BCAR3: variants seen among roughly 807,000 people sequenced by gnomAD.
BCAR3 encodes the protein breast cancer anti-estrogen resistance protein 3.
BCAR3 carries 37 observed loss-of-function variants against 80.1 expected under a neutral mutation model. The observed-to-expected ratio is 0.46, with a 90% CI of 0.36 to 0.61. The LOEUF (loss-of-function observed/expected upper bound fraction) is 0.61. Ranked by LOEUF, BCAR3 falls within the 20% of genes least tolerant of loss-of-function variation. The pLI, the probability that BCAR3 is intolerant of heterozygous loss-of-function variation, is 0.00. For synonymous variants in BCAR3, 389 were observed against 418.9 expected (o/e 0.93, Z 0.87); for missense variants, 978 against 1,068.2 (o/e 0.92, Z 1.18).
Position 93,655,273 on chromosome 1 carries a change from C to T in BCAR3, c.318-12930G>A, listed in dbSNP as rs141301539. Among the ~76,000 whole-genome samples, 6 of 152,292 alleles carry T rather than the reference C, an allele frequency of 3.9e-5. No individual in the cohort carries two copies. In the East Asian group the frequency reaches 1.2e-3, roughly 29 times the overall value. ...TTTGTGTTTTTGAAAAGTCCCCCTG[C>T]AGCAGCATGGAAATCAGATTAGCTG... On this transcript the variant is annotated intron_variant, in intron 2 of 11. Coordinates refer to ENST00000260502, the MANE Select transcript of BCAR3 (RefSeq NM_003567.4).
At chr1:93,633,360 T>A (rs1420471641) in intron 3 of BCAR3, among the ~76,000 whole-genome samples, 1 of 152,212 alleles carries the variant, frequency 6.6e-6, no homozygotes, top group African/African-American at 2.4e-5. Context: ...CCCTTCACCA[T>A]GTGGCCTAAC....
intron 2 of BCAR3, among the ~76,000 whole-genome samples, chr1:93,646,233 T>A (rs1676144333): frequency 6.6e-6 from 1 of 152,188 alleles, no homozygotes; most frequent in Admixed American, 6.5e-5. Flanking sequence ...TAAAATGTTT[T>A]CCTGTAATTC....
At chr1:93,724,635 C>G (rs1174617904) in intron 2 of BCAR3, among the ~76,000 whole-genome samples, 1 of 152,172 alleles carries the variant, frequency 6.6e-6, no homozygotes, top group Non-Finnish European at 1.5e-5. Context: ...CTCCTGCCAC[C>G]CAGCCTGGTG....
intron 2 of BCAR3, among the ~76,000 whole-genome samples, chr1:93,783,128 AG>A (rs1318909448): frequency 1.2e-4 from 18 of 152,210 alleles, no homozygotes; most frequent in African/African-American, 4.3e-4. Flanking sequence ...TAAACAATTT[AG>A]TATTATATAA....
chr1:93,768,852 T>A (rs768090472), intron 2 of BCAR3, among the ~76,000 whole-genome samples: 2 of 152,114 alleles, frequency 1.3e-5, no homozygotes, highest in Non-Finnish European at 2.9e-5. Context: ...ATAAAATCCC[T>A]CTTCTGGTCC....
intron 3 of BCAR3, among the ~76,000 whole-genome samples, chr1:93,618,817 C>A (rs1341089842): frequency 6.6e-6 from 1 of 152,072 alleles, no homozygotes; most frequent in Non-Finnish European, 1.5e-5. Flanking sequence ...CCTTCTAGAG[C>A]AAAAGACACA....
At chr1:93,745,010 G>T (rs762182535) in intron 2 of BCAR3, among the ~76,000 whole-genome samples, 1 of 152,204 alleles carries the variant, frequency 6.6e-6, no homozygotes, top group Non-Finnish European at 1.5e-5. Flanking sequence ...TAGAAATCAG[G>T]CAAGCACATG....
At chr1:93,626,657 C>T (rs1329594176) in intron 3 of BCAR3, among the ~76,000 whole-genome samples, 1 of 152,152 alleles carries the variant, frequency 6.6e-6, no homozygotes, top group African/African-American at 2.4e-5. Flanking sequence ...CTCTTGACTC[C>T]CATTGGCTCA....
chr1:93,824,054 T>C (rs902020258), intron 2 of BCAR3, among the ~76,000 whole-genome samples: 4 of 133,674 alleles, frequency 3.0e-5, no homozygotes, highest in African/African-American at 1.0e-4. Context: ...TAACCTAGAA[T>C]ATAAACTAGA....
At chr1:93,785,428 A>G (rs1383414939) in intron 2 of BCAR3, among the ~76,000 whole-genome samples, 1 of 152,214 alleles carries the variant, frequency 6.6e-6, no homozygotes, top group East Asian at 1.9e-4. Flanking sequence ...GATAGGAGGA[A>G]AGCTTGGCCT....
At position 93,674,641 on chromosome 1, in the gene BCAR3, T is replaced by C. The variant is rs1247526337; in HGVS notation, c.290A>G (p.Asp97Gly). Residue 97 changes from aspartate to glycine, a missense_variant, in exon 2 of 12, where the codon GAC (aspartate) becomes GGC (glycine). Coordinates refer to ENST00000260502, the MANE Select transcript of BCAR3 (RefSeq NM_003567.4). ...QDGIQESPWQ[D>G]RHGETFTFRD... ...GAAGGTGAAGGTTTCGCCGTGCCGG[T>C]CCTGCCATGGGCTCTCCTGGATGCC... The C allele has an allele frequency of 1.2e-6, 2 of 1,613,408 alleles. No individual in the cohort carries two copies. The highest frequency in any genetic ancestry group is 1.7e-5 in the Admixed American group (1 of 59,896).
chr1:93,636,603 C>T (rs1031134074), intron 3 of BCAR3, among the ~76,000 whole-genome samples: 6 of 151,510 alleles, frequency 4.0e-5, no homozygotes, highest in African/African-American at 1.5e-4. Flanking sequence ...TCTACTTCAC[C>T]ATATTTTCTA....
At chr1:93,625,886 C>T (rs1195571868) in intron 3 of BCAR3, among the ~76,000 whole-genome samples, 2 of 152,214 alleles carry the variant, frequency 1.3e-5, no homozygotes, top group African/African-American at 4.8e-5. Context: ...AGAATGCGCA[C>T]TTCCAGCCTG....
rs185444604 is a variant in BCAR3 at position 93,778,947 on chromosome 1, C to T, written c.-63+66620G>A. Among the ~76,000 whole-genome samples, 482 of 152,212 alleles carry T rather than the reference C, an allele frequency of 3.2e-3. 5 individuals are homozygous for T. The highest frequency in any genetic ancestry group is 0.011 in the African/African-American group (454 of 41,538). ...TGTCTTTGTTATTGAAAGCCTCAAG[C>T]TTTGGTGTGGGGTCATGGTAGGAGC... On this transcript the variant is annotated intron_variant, in intron 2 of 13. Transcript: ENST00000370244.
intron 3 of BCAR3, among the ~76,000 whole-genome samples, chr1:93,598,317 C>T (rs1674507239): frequency 6.6e-6 from 1 of 152,186 alleles, no homozygotes; most frequent in African/African-American, 2.4e-5. Context: ...CACTCATTCG[C>T]ATGTAGGAGA....
intron 2 of BCAR3, among the ~76,000 whole-genome samples, chr1:93,796,361 C>T (rs896771025): frequency 1.4e-5 from 2 of 143,976 alleles, no homozygotes; most frequent in African/African-American, 2.8e-5. Flanking sequence ...TCTCGTGGTG[C>T]GCCGTTTTTT....
chr1:93,593,780 A>T (rs1434319267), intron 3 of BCAR3, among the ~76,000 whole-genome samples: 1 of 151,830 alleles, frequency 6.6e-6, no homozygotes, highest in Non-Finnish European at 1.5e-5. Context: ...TTAGGGCTAG[A>T]TTCTCATCCT....
chr1:93,663,433 A>G (rs542771805), intron 2 of BCAR3, among the ~76,000 whole-genome samples: 43 of 152,326 alleles, frequency 2.8e-4, no homozygotes, highest in African/African-American at 1.0e-3. Flanking sequence ...GGAAAGGGTT[A>G]TCTAGAAAGT....
intron 2 of BCAR3, among the ~76,000 whole-genome samples, chr1:93,750,169 CAG>C (rs1651507756): frequency 6.6e-6 from 1 of 152,190 alleles, no homozygotes; most frequent in Admixed American, 6.5e-5. Context: ...AAAGAGCAAA[CAG>C]AGTTCTGATC....
Sources: gnomAD v4.1 joint callset for allele counts (sites outside exome capture counted in the v4.1 genomes callset) on GRCh38, gnomAD v4.1.1 for gene constraint, MANE v1.5 for transcripts, NCBI Gene and HGNC (gene_info 2026-07-23, HGNC 2026-07-21) for gene names.